Variants in LCLAT1 observed in about 807,000 individuals in gnomAD.
LCLAT1 encodes the protein 1-AGP acyltransferase 8.
A neutral mutation model predicts 30.7 loss-of-function variants in LCLAT1; 11 were observed. The ratio of observed to expected loss-of-function variants is 0.36; its 90% CI spans 0.23 to 0.59. The LOEUF is 0.59. Among genes scored for constraint, LCLAT1 ranks in the 20% least tolerant of loss-of-function variants. The pLI is 0.77. For synonymous variants in LCLAT1, 155 were observed against 151.3 expected (o/e 1.02, Z -0.18); for missense variants, 402 against 458.6 (o/e 0.88, Z 1.13).
intron 5 of LCLAT1, among the ~76,000 whole-genome samples, chr2:30,623,906 ACAG>A (rs1361424894): frequency 6.6e-6 from 1 of 152,230 alleles, no homozygotes; most frequent in East Asian, 1.9e-4. Flanking sequence ...TATCAGATTA[ACAG>A]CAGATTTCTC....
At chr2:30,509,175 C>T (rs1401905178) in intron 1 of LCLAT1, among the ~76,000 whole-genome samples, 2 of 152,136 alleles carry the variant, frequency 1.3e-5, no homozygotes, top group African/African-American at 4.8e-5. Context: ...TGGGCCAAGA[C>T]TTTGGGTTTT....
chr2:30,637,495 C>T (rs1163633628), intron 5 of LCLAT1, among the ~76,000 whole-genome samples: 4 of 152,240 alleles, frequency 2.6e-5, no homozygotes, highest in East Asian at 3.9e-4. Context: ...AAGTGGTCAG[C>T]GCCAGCCCTT....
intron 1 of LCLAT1, among the ~76,000 whole-genome samples, chr2:30,487,947 G>T (rs1572513892): frequency 6.6e-6 from 1 of 152,190 alleles, no homozygotes; most frequent in South Asian, 2.1e-4. Flanking sequence ...TGAGAGTGAT[G>T]CAGTGTTCTA....
chr2:30,622,913 A>G (rs958662372), intron 5 of LCLAT1, among the ~76,000 whole-genome samples: 1 of 152,202 alleles, frequency 6.6e-6, no homozygotes, highest in Non-Finnish European at 1.5e-5. Flanking sequence ...AGAGCCCCAA[A>G]AGATCACCTT....
intron 1 of LCLAT1, among the ~76,000 whole-genome samples, chr2:30,461,382 T>A (rs1049481607): frequency 4.6e-5 from 7 of 152,172 alleles, no homozygotes; most frequent in Non-Finnish European, 8.8e-5. Flanking sequence ...GATTTTTTTT[T>A]ATTTGTTTCT....
At chr2:30,548,694 G>A (rs899170712) in intron 3 of LCLAT1, among the ~76,000 whole-genome samples, 8 of 152,134 alleles carry the variant, frequency 5.3e-5, no homozygotes, top group Admixed American at 4.6e-4. Flanking sequence ...GGAAAATAAA[G>A]GGATAAGGGG....
intron 1 of LCLAT1, among the ~76,000 whole-genome samples, chr2:30,474,162 T>A (rs1218088833): frequency 1.3e-5 from 2 of 152,132 alleles, no homozygotes; most frequent in Non-Finnish European, 2.9e-5. Context: ...TAAAGAAATG[T>A]TGAAATGGAC....
intron 1 of LCLAT1, among the ~76,000 whole-genome samples, chr2:30,485,277 G>C (rs895244997): frequency 6.6e-6 from 1 of 152,088 alleles, no homozygotes; most frequent in Admixed American, 6.6e-5. Context: ...AAGATATATA[G>C]CTAACGTTTA....
At chr2:30,566,481 C>A (rs535859303) in intron 4 of LCLAT1, among the ~76,000 whole-genome samples, 6 of 152,236 alleles carry the variant, frequency 3.9e-5, no homozygotes, top group African/African-American at 1.4e-4. Context: ...TTGCCCGGCT[C>A]AATTCCTTTA....
intron 5 of LCLAT1, among the ~76,000 whole-genome samples, chr2:30,605,460 AC>A (rs570497796): frequency 6.6e-6 from 1 of 152,326 alleles, no homozygotes; most frequent in Admixed American, 6.5e-5. Flanking sequence ...TCTAAAGCAG[AC>A]CAATTTACAT....
chr2:30,460,508 C>T (rs921171587), intron 1 of LCLAT1, among the ~76,000 whole-genome samples: 1 of 152,034 alleles, frequency 6.6e-6, no homozygotes, highest in African/African-American at 2.4e-5. Flanking sequence ...GTCTACTAGT[C>T]GGTTTCTGAA....
At chr2:30,592,482 T>C (rs1416556501) in intron 5 of LCLAT1, among the ~76,000 whole-genome samples, 3 of 151,970 alleles carry the variant, frequency 2.0e-5, no homozygotes, top group African/African-American at 7.2e-5. Flanking sequence ...AGACCCTGTC[T>C]AAAGAAAAAA....
intron 5 of LCLAT1, among the ~76,000 whole-genome samples, chr2:30,603,282 T>A (rs1254899672): frequency 6.6e-6 from 1 of 152,000 alleles, no homozygotes; most frequent in East Asian, 1.9e-4. Context: ...TTTAGAATTT[T>A]AAAAAAACCT....
intron 1 of LCLAT1, among the ~76,000 whole-genome samples, chr2:30,479,258 CTCATT>C (rs1322492555): frequency 6.6e-6 from 1 of 151,400 alleles, no homozygotes; most frequent in African/African-American, 2.4e-5. Context: ...GGGACAGGGT[CTCATT>C]CAGTCATCCA....
At chr2:30,525,508 C>G in intron 1 of LCLAT1, 79 bp from the exon 2 acceptor site, 2 of 1,110,534 alleles carry the variant, frequency 1.8e-6, no homozygotes, top group Non-Finnish European at 2.7e-6. Context: ...AGTGATCATT[C>G]TATGCTCCAT....
At chr2:30,492,742 A>G (rs1683896054) in intron 1 of LCLAT1, among the ~76,000 whole-genome samples, 1 of 152,216 alleles carries the variant, frequency 6.6e-6, no homozygotes, top group Non-Finnish European at 1.5e-5. Context: ...TGTTACTAGT[A>G]AAATCTAGTG....
intron 3 of LCLAT1, among the ~76,000 whole-genome samples, chr2:30,543,909 T>C (rs191537925): frequency 1.1e-3 from 164 of 152,280 alleles, no homozygotes; most frequent in African/African-American, 3.8e-3. Flanking sequence ...TTCTTATCTT[T>C]ATTATTTCCT....
intron 3 of LCLAT1, among the ~76,000 whole-genome samples, chr2:30,543,775 A>G (rs562461051): frequency 1.3e-5 from 2 of 152,132 alleles, no homozygotes; most frequent in Admixed American, 6.5e-5. Flanking sequence ...TTCTTGTTCA[A>G]TCTGGCTGGA....
In LCLAT1 at chr2:30,640,813, G is replaced by A. The variant is rs768268407; in HGVS notation, c.*194G>A. 1 of 630,418 alleles carries A rather than the reference G, an allele frequency of 1.6e-6. No homozygotes were observed. Among genetic ancestry groups the A allele is most frequent in the South Asian group, 2.1e-5 (1 of 48,118 alleles). The allele number at this position is 630,418 out of a possible 1,614,324, so 39.1% of individuals were successfully genotyped here. On this transcript the variant is annotated 3_prime_UTR_variant, in exon 6 of 6. Transcript: ENST00000379509. ...TTTTTTAATCTCTGAATGTAATTTC[G>A]ATACTGTGTACATAGCAGGGAGTGA...
Sources: allele counts gnomAD v4.1 joint callset (sites outside exome capture counted in the v4.1 genomes callset), GRCh38; gene constraint gnomAD v4.1.1; transcripts MANE v1.5; gene names NCBI Gene and HGNC (gene_info 2026-07-23, HGNC 2026-07-21).